The following NAALADL2 variants were observed in gnomAD, a reference collection of about 807,000 sequenced individuals.
NAALADL2 encodes the protein inactive N-acetylated-alpha-linked acidic dipeptidase-like protein 2.
Under a neutral mutation model 87.2 loss-of-function variants are expected in NAALADL2, and 76 were observed. The observed-to-expected ratio is 0.87, with a 90% CI of 0.72 to 1.05. The LOEUF is 1.05. Ranked by LOEUF, NAALADL2 falls within the 50% of genes least tolerant of loss-of-function variation. NAALADL2 has a pLI of 0.00. For synonymous variants in NAALADL2, 354 were observed against 331.0 expected (o/e 1.07, Z -0.75); for missense variants, 1,089 against 945.8 (o/e 1.15, Z -1.99).
At chr3:175,698,497 A>G (rs908431153) in intron 11 of NAALADL2, among the ~76,000 whole-genome samples, 2 of 144,214 alleles carry the variant, frequency 1.4e-5, no homozygotes, top group African/African-American at 5.2e-5. Context: ...ATATATATAT[A>G]TATATAAAAT....
intron 9 of NAALADL2, among the ~76,000 whole-genome samples, chr3:175,557,864 T>C (rs1221694497): frequency 6.6e-6 from 1 of 152,156 alleles, no homozygotes; most frequent in African/African-American, 2.4e-5. Flanking sequence ...CACCTTTTAA[T>C]ATACCTGTTT....
At chr3:175,640,657 A>G (rs1464031667) in intron 11 of NAALADL2, among the ~76,000 whole-genome samples, 1 of 152,190 alleles carries the variant, frequency 6.6e-6, no homozygotes, top group Non-Finnish European at 1.5e-5. Flanking sequence ...TTTATTCACA[A>G]TAGCATTAAC....
At chr3:175,044,616 G>C (rs1031952012) in intron 1 of NAALADL2, among the ~76,000 whole-genome samples, 2 of 152,080 alleles carry the variant, frequency 1.3e-5, no homozygotes, top group Non-Finnish European at 2.9e-5. Flanking sequence ...TTTTATAGGT[G>C]AGAGTGATAA....
At chr3:175,319,595 A>G (rs1759580627) in intron 4 of NAALADL2, among the ~76,000 whole-genome samples, 1 of 152,078 alleles carries the variant, frequency 6.6e-6, no homozygotes. Flanking sequence ...CGAGTCGGCA[A>G]TATCATTTGG....
At chr3:174,466,595 CAATT>C (rs1362795818) in intron 1 of NAALADL2, among the ~76,000 whole-genome samples, 1 of 152,080 alleles carries the variant, frequency 6.6e-6, no homozygotes, top group African/African-American at 2.4e-5. Context: ...TACTAGGAGA[CAATT>C]AAAGGATTAA....
At chr3:175,178,987 C>T (rs1398045425) in intron 2 of NAALADL2, among the ~76,000 whole-genome samples, 1 of 151,994 alleles carries the variant, frequency 6.6e-6, no homozygotes, top group Non-Finnish European at 1.5e-5. Context: ...CTTACAGACA[C>T]TCTTCACCAG....
At chr3:174,629,992 C>T (rs1306424868) in intron 2 of NAALADL2, among the ~76,000 whole-genome samples, 2 of 152,060 alleles carry the variant, frequency 1.3e-5, no homozygotes, top group Admixed American at 6.5e-5. Context: ...AAACTTTCAA[C>T]GTAATATACC....
intron 2 of NAALADL2, among the ~76,000 whole-genome samples, chr3:174,659,073 T>A (rs1054362843): frequency 3.3e-5 from 5 of 152,210 alleles, no homozygotes; most frequent in Non-Finnish European, 5.9e-5. Context: ...AGGGTAGTGA[T>A]TAATACTAAT....
Position 174,704,467 on chromosome 3 carries a change from GAATTT to G in NAALADL2, c.-114-33163_-114-33159del, listed in dbSNP as rs528870830. On this transcript the variant is annotated intron_variant, in intron 2 of 3. Transcript: ENST00000434257. ...TTAATTTGGTATTTAAATTAATACT[GAATTT>G]AATTTAATTTTGAATTATTAATTAT... Among the ~76,000 whole-genome samples the G allele has an allele frequency of 9.2e-5, 14 of 152,052 alleles. No individual in the cohort carries two copies. In the South Asian group the frequency reaches 1.7e-3, roughly 18 times the overall value.
At chr3:175,487,100 C>T (rs576475285) in intron 9 of NAALADL2, among the ~76,000 whole-genome samples, 5 of 152,222 alleles carry the variant, frequency 3.3e-5, no homozygotes, top group African/African-American at 9.6e-5. Context: ...TTATAATGGC[C>T]GGAGAGGCCC....
intron 2 of NAALADL2, among the ~76,000 whole-genome samples, chr3:175,128,400 G>T (rs1485711845): frequency 6.6e-6 from 1 of 152,064 alleles, no homozygotes; most frequent in African/African-American, 2.4e-5. Context: ...AATAATTAAG[G>T]ATTAGCTACT....
At chr3:175,673,830 AATAT>A (rs2149853260) in intron 11 of NAALADL2, among the ~76,000 whole-genome samples, 1 of 152,254 alleles carries the variant, frequency 6.6e-6, no homozygotes, top group South Asian at 2.1e-4. Context: ...AACTATTATT[AATAT>A]TTGTGAATAA....
chr3:175,638,162 A>T (rs1728799750), intron 11 of NAALADL2, among the ~76,000 whole-genome samples: 1 of 147,340 alleles, frequency 6.8e-6, no homozygotes, highest in African/African-American at 2.7e-5. Context: ...ATCTAAATTC[A>T]ATACATAAAC....
chr3:175,094,740 A>C (rs1197762761), intron 1 of NAALADL2, among the ~76,000 whole-genome samples: 1 of 114,786 alleles, frequency 8.7e-6, no homozygotes, highest in Admixed American at 9.5e-5. Flanking sequence ...TGTTAAAAAA[A>C]AAGCACCAGA....
chr3:174,742,736 T>G (rs1165443749), intron 3 of NAALADL2, among the ~76,000 whole-genome samples: 1 of 151,788 alleles, frequency 6.6e-6, no homozygotes, highest in Non-Finnish European at 1.5e-5. Context: ...ATGATGTTTC[T>G]GTTTTTTAAT....
chr3:174,691,351 G>T (rs991898965), intron 2 of NAALADL2, among the ~76,000 whole-genome samples: 1 of 151,974 alleles, frequency 6.6e-6, no homozygotes, highest in Admixed American at 6.6e-5. Context: ...GGCAGAGGTT[G>T]CAGTGGTCCG....
intron 11 of NAALADL2, among the ~76,000 whole-genome samples, chr3:175,647,943 G>A (rs1318012017): frequency 4.6e-5 from 7 of 152,190 alleles, no homozygotes; most frequent in African/African-American, 7.2e-5. Flanking sequence ...ACTTTACAAG[G>A]TTGATTTGGT....
At chr3:174,809,066 C>T (rs1050362639) in intron 3 of NAALADL2, among the ~76,000 whole-genome samples, 2 of 151,948 alleles carry the variant, frequency 1.3e-5, no homozygotes. Flanking sequence ...CACATTTACC[C>T]AATTAGTACC....
At chr3:175,559,952 A>G (rs1351579339) in intron 9 of NAALADL2, among the ~76,000 whole-genome samples, 1 of 152,216 alleles carries the variant, frequency 6.6e-6, no homozygotes, top group Non-Finnish European at 1.5e-5. Context: ...TTGGCCTCAT[A>G]TAATGAACTT....
Sources: allele counts gnomAD v4.1 joint callset (sites outside exome capture counted in the v4.1 genomes callset), GRCh38; gene constraint gnomAD v4.1.1; transcripts MANE v1.5; gene names NCBI Gene and HGNC (gene_info 2026-07-23, HGNC 2026-07-21).